ENTREP2: variants seen among roughly 807,000 people sequenced by gnomAD.
ENTREP2 encodes endosomal transmembrane epsin interactor 2, also known as protein ENTREP2.
chr15:29,349,097 C>T, the ENTREP2 span, among the ~76,000 whole-genome samples: 1 of 152,240 alleles, frequency 6.6e-6, no homozygotes. Flanking sequence ...GCGGTGTCTT[C>T]TTTCCAGACC....
chr15:29,158,530 C>T, the ENTREP2 span, among the ~76,000 whole-genome samples: 1 of 151,844 alleles, frequency 6.6e-6, no homozygotes, highest in African/African-American at 2.4e-5. Context: ...CTCAGCCTCC[C>T]AAGTATCTGG....
the ENTREP2 span, among the ~76,000 whole-genome samples, chr15:29,423,266 C>A: frequency 6.6e-6 from 1 of 152,270 alleles, no homozygotes; most frequent in Middle Eastern, 3.4e-3. Flanking sequence ...AAAATGCTGG[C>A]ATAGGAAATT....
At chr15:29,297,874 A>T in the ENTREP2 span, among the ~76,000 whole-genome samples, 14 of 152,200 alleles carry the variant, frequency 9.2e-5, no homozygotes, top group African/African-American at 3.1e-4. Flanking sequence ...AAAAGACTTT[A>T]AAAAAATCCA....
the ENTREP2 span, among the ~76,000 whole-genome samples, chr15:29,444,170 C>CACGAAAGAAAGAAAGAAAGAAAG: frequency 1.4e-5 from 1 of 71,550 alleles, no homozygotes; most frequent in African/African-American, 4.3e-5. Flanking sequence ...GAAAGACAGA[C>CACGAAAGAAAGAAAGAAAGAAAG]AAAGAAAGAA....
the ENTREP2 span, among the ~76,000 whole-genome samples, chr15:29,508,829 T>C: frequency 6.6e-6 from 1 of 152,208 alleles, no homozygotes; most frequent in African/African-American, 2.4e-5. Context: ...GCATTCCCTT[T>C]GAAACCAGCA....
At chr15:29,320,871 C>A in the ENTREP2 span, among the ~76,000 whole-genome samples, 1 of 151,954 alleles carries the variant, frequency 6.6e-6, no homozygotes, top group Non-Finnish European at 1.5e-5. Flanking sequence ...AAAATAACCA[C>A]CATAAAACAC....
At chr15:29,614,671 G>T in the ENTREP2 span, among the ~76,000 whole-genome samples, 1 of 152,140 alleles carries the variant, frequency 6.6e-6, no homozygotes, top group Non-Finnish European at 1.5e-5. Flanking sequence ...ATCCCATTTA[G>T]AACCAACCGG....
At chr15:29,213,607 A>T in the ENTREP2 span, among the ~76,000 whole-genome samples, 1 of 152,132 alleles carries the variant, frequency 6.6e-6, no homozygotes, top group African/African-American at 2.4e-5. Flanking sequence ...TTATTGGTGT[A>T]TAAGAATGCT....
the ENTREP2 span, among the ~76,000 whole-genome samples, chr15:29,616,910 A>G: frequency 6.6e-6 from 1 of 152,082 alleles, no homozygotes; most frequent in Admixed American, 6.6e-5. Context: ...AAATACAAAA[A>G]TTAGCCAGGT....
the ENTREP2 span, among the ~76,000 whole-genome samples, chr15:29,370,144 C>T: frequency 6.6e-5 from 10 of 152,086 alleles, no homozygotes; most frequent in Non-Finnish European, 1.0e-4. Context: ...ATAATAATTC[C>T]TCATCAGCAA....
At chr15:29,189,054 C>T in the ENTREP2 span, among the ~76,000 whole-genome samples, 26 of 152,338 alleles carry the variant, frequency 1.7e-4, no homozygotes, top group South Asian at 5.4e-3. Context: ...CCTTTATAAT[C>T]AACAAGGGCA....
the ENTREP2 span, among the ~76,000 whole-genome samples, chr15:29,585,729 G>A: frequency 3.7e-4 from 57 of 152,160 alleles, no homozygotes; most frequent in African/African-American, 1.1e-3. Context: ...GGTGGCGGGC[G>A]CCTGTAATCC....
chr15:29,499,619 TCTTG>T, the ENTREP2 span, among the ~76,000 whole-genome samples: 1 of 151,910 alleles, frequency 6.6e-6, no homozygotes, highest in African/African-American at 2.4e-5. Flanking sequence ...CAAGCAATCC[TCTTG>T]CTTTGTCCTC....
the ENTREP2 span, among the ~76,000 whole-genome samples, chr15:29,450,681 A>G: frequency 6.6e-6 from 1 of 152,236 alleles, no homozygotes; most frequent in African/African-American, 2.4e-5. Context: ...TCTCTGCAAC[A>G]CTATTCACAA....
At chr15:29,209,270 G>A in the ENTREP2 span, among the ~76,000 whole-genome samples, 1 of 152,200 alleles carries the variant, frequency 6.6e-6, no homozygotes, top group African/African-American at 2.4e-5. Flanking sequence ...GGGAGGCCAA[G>A]GTGGGCAGAC....
chr15:29,414,771 A>G, the ENTREP2 span, among the ~76,000 whole-genome samples: 1 of 152,168 alleles, frequency 6.6e-6, no homozygotes, highest in Non-Finnish European at 1.5e-5. Flanking sequence ...TAAAGAAGAA[A>G]AGAGAGAAGA....
At chr15:29,566,745 AC>A in the ENTREP2 span, among the ~76,000 whole-genome samples, 1 of 16,062 alleles carries the variant, frequency 6.2e-5, no homozygotes, top group African/African-American at 1.9e-4. Context: ...GCATGAGCCA[AC>A]CATGCCCAGT....
chr15:29,623,469 C>T, the ENTREP2 span, among the ~76,000 whole-genome samples: 1 of 152,192 alleles, frequency 6.6e-6, no homozygotes, highest in African/African-American at 2.4e-5. Context: ...AGGTTTTGCT[C>T]AAGGTCATGC....
chr15:29,526,934 C>T, the ENTREP2 span, among the ~76,000 whole-genome samples: 13 of 152,162 alleles, frequency 8.5e-5, no homozygotes, highest in Admixed American at 3.9e-4. Context: ...TGGTCACTAA[C>T]GATCTCCATG....
Sources: allele counts gnomAD v4.1 joint callset (sites outside exome capture counted in the v4.1 genomes callset), GRCh38; gene constraint gnomAD v4.1.1; transcripts MANE v1.5; gene names NCBI Gene and HGNC (gene_info 2026-07-23, HGNC 2026-07-21).